Variants in COLGALT1 observed in about 807,000 individuals in gnomAD.
COLGALT1 encodes the protein collagen beta(1-O)galactosyltransferase 1, also known as procollagen galactosyltransferase 1.
COLGALT1 carries 43 observed loss-of-function variants against 60.8 expected under a neutral mutation model. The observed-to-expected ratio is 0.71, with a 90% CI of 0.55 to 0.91. The LOEUF (loss-of-function observed/expected upper bound fraction) is 0.91, where lower values mean the gene tolerates loss of function less well. Ranked by LOEUF, COLGALT1 falls within the 40% of genes least tolerant of loss-of-function variation. The pLI, the probability that COLGALT1 is intolerant of heterozygous loss-of-function variation, is 0.00. For missense variants in COLGALT1, 845 were observed against 880.0 expected (o/e 0.96, Z 0.50); for synonymous variants, 369 against 374.2 (o/e 0.99, Z 0.16).
Position 17,577,939 on chromosome 19 carries a change from T to G in COLGALT1, c.1134-18T>G. The G allele has an allele frequency of 6.3e-7, 1 of 1,591,432 alleles. No homozygotes were observed. Among genetic ancestry groups the G allele is most frequent in the South Asian group, 1.1e-5 (1 of 89,050 alleles). On this transcript the variant is annotated intron_variant, in intron 8 of 11. Coordinates refer to ENST00000252599, the MANE Select transcript of COLGALT1 (RefSeq NM_024656.4). ...GCAGGGTGAACCTTCTTCGTGACCC[T>G]CTCCTCCTCCTCTCCAGAGCCATGA...
intron 1 of COLGALT1, among the ~76,000 whole-genome samples, 172 bp from the exon 2 acceptor site, chr19:17,559,139 A>G (rs927437360): frequency 1.6e-4 from 24 of 152,144 alleles, no homozygotes; most frequent in African/African-American, 5.1e-4. Context: ...CAGCCTGGGC[A>G]ACAGAGCGAG....
At chr19:17,560,001 G>A (rs2076238592) in intron 2 of COLGALT1, among the ~76,000 whole-genome samples, 2 of 152,208 alleles carry the variant, frequency 1.3e-5, no homozygotes, top group Admixed American at 1.3e-4. Flanking sequence ...TGTTGCCCAG[G>A]CTGGTCTCAA....
chr19:17,568,761 T>TTGGGTGC (rs1248911985), intron 5 of COLGALT1, 48 bp downstream of exon 5: 1 of 1,601,290 alleles, frequency 6.2e-7, no homozygotes, highest in South Asian at 1.1e-5. Context: ...GCCTGGTTCT[T>TTGGGTGC]TGGGTTTTGC....
chr19:17,560,396 C>A lies in COLGALT1; in HGVS notation c.420C>A (p.Tyr140Ter), dbSNP rs1188093870. The change falls in exon 3 of 12, where the codon TAC becomes TAA. Residue 140 changes from tyrosine to a stop codon, truncating the protein, a stop_gained. Transcript: ENST00000252599. LOFTEE classifies it high-confidence loss of function. ...CGAAACACTGGTCTGACTCACGCTA[C>A]GAGCATGTCATGAAGTTGCGCCAGG... ...EGPKHWSDSR[Y>*]EHVMKLRQAA... 6.2e-7 allele frequency: 1 copy of A among 1,614,138 alleles called. No individual in the cohort carries two copies. Among genetic ancestry groups the A allele is most frequent in the African/African-American group, 1.3e-5 (1 of 75,040 alleles).
At chr19:17,560,203 G>A (rs1313637330) in intron 2 of COLGALT1, 145 bp from the exon 3 acceptor site, 14 of 626,000 alleles carry the variant, frequency 2.2e-5, no homozygotes, top group South Asian at 1.7e-4. Context: ...CTCTTTCCTC[G>A]TCGTTTACTT....
chr19:17,581,714 C>T lies in COLGALT1; in HGVS notation c.*270C>T. The T allele has an allele frequency of 1.9e-6, 1 of 516,222 alleles. No homozygotes were observed. Among genetic ancestry groups the T allele is most frequent in the Non-Finnish European group, 3.5e-6 (1 of 287,530 alleles). The allele number at this position is 516,222 out of a possible 1,614,324, so 32.0% of individuals were successfully genotyped here. On this transcript the variant is annotated 3_prime_UTR_variant, in exon 12 of 12. Coordinates refer to ENST00000252599, the MANE Select transcript of COLGALT1 (RefSeq NM_024656.4). Reference sequence around the variant, plus strand: ...CATGTGCCCAGCATTTATTAAGCACCTGCTGTATGCAAGGTTCCCATGTTA... The same window carrying T: ...CATGTGCCCAGCATTTATTAAGCACTTGCTGTATGCAAGGTTCCCATGTTA...
At chr19:17,571,314 G>A (rs1285096668) in intron 5 of COLGALT1, among the ~76,000 whole-genome samples, 3 of 152,044 alleles carry the variant, frequency 2.0e-5, no homozygotes, top group Admixed American at 2.0e-4. Context: ...CTACTTGGGA[G>A]GCTGAGGCAC....
chr19:17,559,077 G>A (rs533667295), intron 1 of COLGALT1, among the ~76,000 whole-genome samples: 2 of 151,890 alleles, frequency 1.3e-5, no homozygotes, highest in African/African-American at 4.8e-5. Flanking sequence ...AGGAGAAGGC[G>A]TGAACCCGGG....
intron 5 of COLGALT1, among the ~76,000 whole-genome samples, chr19:17,570,784 C>T (rs1265086974): frequency 1.3e-5 from 2 of 151,956 alleles, no homozygotes; most frequent in African/African-American, 4.8e-5. Context: ...AGGCTGGTCT[C>T]GAACTCCTGA....
chr19:17,559,529 T>G, intron 2 of COLGALT1, 108 bp downstream of exon 2: 1 of 831,328 alleles, frequency 1.2e-6, no homozygotes, highest in Non-Finnish European at 2.0e-6. Flanking sequence ...AGTCCCTGCC[T>G]CCAGCCCAGC....
rs145316486 is a variant in COLGALT1, at chr19:17,576,049, A to G, written c.950-1146A>G. On this transcript the variant is annotated intron_variant, in intron 6 of 11. Transcript: ENST00000252599. Reference sequence around the variant, plus strand: ...TTATAGATGAGGAAAGCTGAGGCCCAGGCCAATCAAGAATATACAGCATGC... The same window carrying G: ...TTATAGATGAGGAAAGCTGAGGCCCGGGCCAATCAAGAATATACAGCATGC... 5.5e-3 allele frequency among the ~76,000 whole-genome samples: 838 copies of G among 152,342 alleles called. 3 individuals are homozygous for G. Among genetic ancestry groups the G allele is most frequent in the Middle Eastern group, 0.01 (3 of 294 alleles).
At chr19:17,578,939 G>A (rs562054773) in intron 9 of COLGALT1, among the ~76,000 whole-genome samples, 8 of 152,060 alleles carry the variant, frequency 5.3e-5, no homozygotes, top group Non-Finnish European at 1.0e-4. Flanking sequence ...GAACCCAGGA[G>A]GCAGAGGTTG....
rs374671467 is a variant in COLGALT1 at position 17,579,617 on chromosome 19, G to C, written c.1394+8G>C. The C allele has an allele frequency of 1.2e-6, 2 of 1,612,084 alleles. No homozygotes were observed. Among genetic ancestry groups the C allele is most frequent in the African/African-American group, 1.3e-5 (1 of 74,726 alleles). On this transcript the variant is annotated splice_region_variant and intron_variant, in intron 10 of 11. Coordinates refer to ENST00000252599, the MANE Select transcript of COLGALT1 (RefSeq NM_024656.4). ...CCTGGACTGGGACCTCATGTGAGTG[G>C]GGGTCTGAGGATGGGGTGAAGCTGG...
chr19:17,579,522 A>G lies in COLGALT1; in HGVS notation c.1307A>G (p.Asp436Gly). ...RGLQKSLVFE[D>G]DLRFEIFFKR... ...CTGCAGAAATCGCTTGTGTTTGAGG[A>G]TGACCTGCGTTTTGAGATCTTCTTC... is the stretch of plus-strand genomic sequence containing the variant. Residue 436 changes from aspartate (D) to glycine (G), a missense_variant, in exon 10 of 12, where the codon GAT becomes GGT. Physicochemically the swap from Asp to Gly is moderately conservative, Grantham distance 94. Transcript: ENST00000252599. The G allele has an allele frequency of 6.2e-7, 1 of 1,613,990 alleles. No homozygotes were observed. Among genetic ancestry groups the G allele is most frequent in the Non-Finnish European group, 8.5e-7 (1 of 1,179,998 alleles).
chr19:17,559,690 A>G (rs967484624), intron 2 of COLGALT1, among the ~76,000 whole-genome samples: 1 of 151,982 alleles, frequency 6.6e-6, no homozygotes, highest in African/African-American at 2.4e-5. Flanking sequence ...TCCCTGGCTC[A>G]CTGACTCAGT....
In COLGALT1 at chr19:17,582,852, G is replaced by C. The variant is rs1210121117; in HGVS notation, c.*1408G>C. 6.6e-6 allele frequency: 1 copy of C among 152,372 alleles called. No homozygotes were observed. The highest frequency in any genetic ancestry group is 2.4e-5 in the African/African-American group (1 of 41,466). The allele number at this position is 152,372 out of a possible 1,614,324, so 9.4% of individuals were successfully genotyped here. A position where few individuals can be genotyped will look rare whatever the true frequency, so the allele number is the denominator to read the frequency against. On this transcript the variant is annotated 3_prime_UTR_variant, in exon 12 of 12. Transcript: ENST00000252599. Reference sequence around the variant, plus strand: ...GGCGCCAGTTGGAGACGGGGGCTGGGTGTCCCTGGCCCACTCCCGGTCCCC... The same window carrying C: ...GGCGCCAGTTGGAGACGGGGGCTGGCTGTCCCTGGCCCACTCCCGGTCCCC...
intron 6 of COLGALT1, among the ~76,000 whole-genome samples, chr19:17,574,004 T>A (rs1052586329): frequency 2.6e-5 from 4 of 151,808 alleles, no homozygotes; most frequent in African/African-American, 9.7e-5. Flanking sequence ...AATAAAACTT[T>A]AAAAAAATCC....
rs1266715275 is a variant in COLGALT1, at chr19:17,568,681, T to A, written c.797T>A (p.Ile266Asn). The A allele has an allele frequency of 4.3e-6, 7 of 1,614,214 alleles. No homozygotes were observed. The highest frequency in any genetic ancestry group is 5.1e-6 in the Non-Finnish European group (6 of 1,180,038). Residue 266 changes from isoleucine (I) to asparagine (N), a missense_variant, in exon 5 of 12, where the codon ATC becomes AAC. By Grantham distance (149) the Ile-to-Asn change is moderately radical (BLOSUM62 -3). Transcript: ENST00000252599. ...HPDYTWSFDDIIVFAFSCKQA... is the reference protein window; with the variant it reads ...HPDYTWSFDDNIVFAFSCKQA... ...GACTACACCTGGTCCTTTGACGACA[T>A]CATCGTCTTTGCCTTCTCCTGCAAG...
chr19:17,555,986 CG>C lies in COLGALT1; in HGVS notation c.260+14del. 1 of 1,316,914 alleles carries C rather than the reference CG, an allele frequency of 7.6e-7. No homozygotes were observed. The highest frequency in any genetic ancestry group is 1.9e-5 in the South Asian group (1 of 52,784). 81.6% of individuals were successfully genotyped at this position (1,316,914 alleles called of 1,614,324 possible). ...GCACGGCGCTATGGTGAGTCGAGCC[CG>C]CTGTCCCCATCAGGCGGGTCACGCG... is the stretch of plus-strand genomic sequence containing the variant. On this transcript the variant is annotated intron_variant, in intron 1 of 11. Coordinates refer to ENST00000252599, the MANE Select transcript of COLGALT1 (RefSeq NM_024656.4).
Sources: allele counts gnomAD v4.1 joint callset (sites outside exome capture counted in the v4.1 genomes callset), GRCh38; gene constraint gnomAD v4.1.1; transcripts MANE v1.5; gene names NCBI Gene and HGNC (gene_info 2026-07-23, HGNC 2026-07-21).